DNTT: variants seen among roughly 807,000 people sequenced by gnomAD.
DNTT encodes the protein DNA nucleotidylexotransferase.
A neutral mutation model predicts 60.9 loss-of-function variants in DNTT; 47 were observed. The ratio of observed to expected loss-of-function variants is 0.77; its 90% CI spans 0.61 to 0.98. The LOEUF (loss-of-function observed/expected upper bound fraction) is 0.98, where lower values mean the gene tolerates loss of function less well. DNTT is among the 50% of genes least tolerant of loss of function. The pLI is 0.00. For synonymous variants in DNTT, 224 were observed against 221.2 expected, an observed-to-expected ratio of 1.01 and a Z score of -0.11; for missense variants, 665 against 627.5, an observed-to-expected ratio of 1.06 and a Z score of -0.64.
chr10:96,323,376 C>A (rs950338696), intron 5 of DNTT, among the ~76,000 whole-genome samples: 1 of 152,102 alleles, frequency 6.6e-6, no homozygotes, highest in Admixed American at 6.6e-5. Context: ...GTCTTAAATA[C>A]GGTCATACTG....
At position 96,318,523 on chromosome 10, in the gene DNTT, T is replaced by C; in HGVS notation, c.375T>C (p.Leu125=). Residue 125 remains leucine, a synonymous_variant, in exon 2 of 11, where the codon CTT becomes CTC. Transcript: ENST00000371174. Reference sequence around the variant, plus strand: ...TGGAAATGACAGGAAAACACCAGCTTGTTGTAAGTGTCATGGGTGTGATTT... The same window carrying C: ...TGGAAATGACAGGAAAACACCAGCTCGTTGTAAGTGTCATGGGTGTGATTT... ...KPVEMTGKHQ[L]VVRRDYSDST... 1 of 1,613,034 alleles carries C rather than the reference T, an allele frequency of 6.2e-7. No homozygotes were observed. Among genetic ancestry groups the C allele is most frequent in the South Asian group, 1.1e-5 (1 of 90,872 alleles).
At chr10:96,315,766 A>G (rs1041004486) in intron 1 of DNTT, among the ~76,000 whole-genome samples, 2 of 151,560 alleles carry the variant, frequency 1.3e-5, no homozygotes, top group Admixed American at 6.6e-5. Flanking sequence ...GTATAATAAT[A>G]TAATAATAAT....
chr10:96,307,504 G>A (rs1381196116), intron 1 of DNTT, among the ~76,000 whole-genome samples: 3 of 150,650 alleles, frequency 2.0e-5, no homozygotes, highest in Non-Finnish European at 4.4e-5. Context: ...ACAGGCACGC[G>A]TCAGCACGCC....
At chr10:96,321,729 G>T (rs1844882894) in intron 4 of DNTT, among the ~76,000 whole-genome samples, 1 of 152,108 alleles carries the variant, frequency 6.6e-6, no homozygotes, top group Admixed American at 6.5e-5. Context: ...GAGAGACAGT[G>T]TGATAACTCC....
At chr10:96,310,073 C>G (rs1158331925) in intron 1 of DNTT, among the ~76,000 whole-genome samples, 1 of 152,172 alleles carries the variant, frequency 6.6e-6, no homozygotes, top group Non-Finnish European at 1.5e-5. Context: ...TTTGCTTCTC[C>G]TCCAGGAAAG....
At chr10:96,313,856 G>A (rs183618667) in intron 1 of DNTT, among the ~76,000 whole-genome samples, 1 of 152,314 alleles carries the variant, frequency 6.6e-6, no homozygotes, top group Admixed American at 6.5e-5. Flanking sequence ...CGATGGAGCA[G>A]CAGGGTAGGA....
chr10:96,314,662 T>A (rs1589370498), intron 1 of DNTT, among the ~76,000 whole-genome samples: 2 of 151,910 alleles, frequency 1.3e-5, no homozygotes, highest in East Asian at 3.9e-4. Context: ...TCTGCCCCCC[T>A]CAGCCTCCCA....
At chr10:96,308,792 A>C (rs1844672979) in intron 1 of DNTT, among the ~76,000 whole-genome samples, 1 of 152,240 alleles carries the variant, frequency 6.6e-6, no homozygotes, top group African/African-American at 2.4e-5. Context: ...ATCTCAACAA[A>C]GTACATTCTT....
At chr10:96,322,774 T>C (rs1317810920) in intron 5 of DNTT, 46 bp downstream of exon 5, 1 of 1,473,794 alleles carries the variant, frequency 6.8e-7, no homozygotes, top group Admixed American at 1.8e-5. Flanking sequence ...TTTCAGTTAA[T>C]CTTATTACTT....
chr10:96,305,970 C>T (rs1430294505), intron 1 of DNTT, among the ~76,000 whole-genome samples: 1 of 152,154 alleles, frequency 6.6e-6, no homozygotes, highest in Non-Finnish European at 1.5e-5. Context: ...TTCTAACATC[C>T]TTTCCAAGAA....
At chr10:96,338,041 C>G in intron 10 of DNTT, 97 bp from the exon 11 acceptor site, 1 of 1,046,354 alleles carries the variant, frequency 9.6e-7, no homozygotes, top group South Asian at 1.8e-5. Context: ...GTAATTCATT[C>G]TGACAAGGCA....
At chr10:96,306,117 A>C (rs1219063335) in intron 1 of DNTT, among the ~76,000 whole-genome samples, 1 of 143,336 alleles carries the variant, frequency 7.0e-6, no homozygotes, top group East Asian at 2.0e-4. Flanking sequence ...TTTTTGAGAC[A>C]GAGTCTTGCT....
chr10:96,320,699 G>A lies in DNTT; in HGVS notation c.589G>A (p.Val197Ile). ...TGTGACATTTATGAGAGCAGCTTCT[G>A]TATTGAAATCTCTGCCATTCACAAT... Reference protein sequence around the residue: ...SCVTFMRAASVLKSLPFTIIS... With the variant: ...SCVTFMRAASILKSLPFTIIS... The change falls in exon 4 of 11, where the codon GTA (valine) becomes ATA (isoleucine). Residue 197 changes from valine (V) to isoleucine (I), a missense_variant. Transcript: ENST00000371174. 1 of 1,613,900 alleles carries A rather than the reference G, an allele frequency of 6.2e-7. No homozygotes were observed. Among genetic ancestry groups the A allele is most frequent in the African/African-American group, 1.3e-5 (1 of 75,010 alleles).
At chr10:96,311,355 T>C (rs1033735815) in intron 1 of DNTT, among the ~76,000 whole-genome samples, 1 of 152,214 alleles carries the variant, frequency 6.6e-6, no homozygotes, top group Non-Finnish European at 1.5e-5. Context: ...ATCCAGAAAG[T>C]CAGACAGAGG....
At chr10:96,329,195 A>G (rs528752469) in intron 8 of DNTT, among the ~76,000 whole-genome samples, 1 of 152,364 alleles carries the variant, frequency 6.6e-6, no homozygotes, top group East Asian at 1.9e-4. Context: ...AGGGGGCAGG[A>G]CTGCAAAGAC....
intron 1 of DNTT, among the ~76,000 whole-genome samples, chr10:96,312,927 T>G (rs1844737717): frequency 2.0e-5 from 3 of 152,160 alleles, no homozygotes; most frequent in Non-Finnish European, 4.4e-5. Context: ...CGTCATCTTT[T>G]TACCATTACT....
intron 1 of DNTT, among the ~76,000 whole-genome samples, chr10:96,315,580 C>G (rs1844776837): frequency 6.6e-6 from 1 of 152,016 alleles, no homozygotes; most frequent in Non-Finnish European, 1.5e-5. Context: ...AATGTGAGCG[C>G]AGACATTCTC....
At chr10:96,323,692 T>C (rs1221217948) in intron 5 of DNTT, among the ~76,000 whole-genome samples, 1 of 152,132 alleles carries the variant, frequency 6.6e-6, no homozygotes, top group East Asian at 1.9e-4. Context: ...CAATTTTCCC[T>C]ACCTTAGAGT....
intron 10 of DNTT, among the ~76,000 whole-genome samples, chr10:96,337,167 A>G (rs1845082814): frequency 6.6e-6 from 1 of 152,196 alleles, no homozygotes; most frequent in South Asian, 2.1e-4. Flanking sequence ...ATTCTCAGGC[A>G]GGTTTCCCCA....
Sources: allele counts gnomAD v4.1 joint callset (sites outside exome capture counted in the v4.1 genomes callset), GRCh38; gene constraint gnomAD v4.1.1; transcripts MANE v1.5; gene names NCBI Gene and HGNC (gene_info 2026-07-23, HGNC 2026-07-21).